The following PIK3R3 variants were observed in gnomAD, a reference collection of about 807,000 sequenced individuals.
PIK3R3 encodes phosphoinositide-3-kinase regulatory subunit 3.
In PIK3R3, 64 loss-of-function variants were observed where a neutral mutation model predicts 62.9. That is an observed-to-expected ratio of 1.02 (90% CI 0.83 to 1.25). The LOEUF is 1.25. Among genes scored for constraint, PIK3R3 ranks in the 50% most tolerant of loss-of-function variants. The pLI is 0.00. For missense variants in PIK3R3, 614 were observed against 561.6 expected (o/e 1.09, Z -0.94); for synonymous variants, 165 against 189.0 (o/e 0.87, Z 1.04).
At position 46,044,674 on chromosome 1, in the gene PIK3R3, T is replaced by C. The variant is rs1647064926; in HGVS notation, c.1188-803A>G. On this transcript the variant is annotated intron_variant, in intron 9 of 9. Coordinates refer to ENST00000262741, the MANE Select transcript of PIK3R3 (RefSeq NM_003629.4). The surrounding 1 kb of genome is among the most constrained non-coding windows in gnomAD (Gnocchi z 4.2). ...ATTTTCTGCCCATAAGACATCCCAT[T>C]CATCTTTTTGAGGTCCATCTCAGAT... Among the ~76,000 whole-genome samples the C allele has an allele frequency of 2.6e-5, 4 of 152,292 alleles. No individual in the cohort carries two copies. In the South Asian group the frequency reaches 8.3e-4, roughly 32 times the overall value.
At chr1:46,122,403 T>C (rs964453059) in intron 1 of PIK3R3, among the ~76,000 whole-genome samples, 29 of 152,168 alleles carry the variant, frequency 1.9e-4, no homozygotes, top group African/African-American at 6.8e-4. Context: ...AGAGTCTCGC[T>C]CTGTCACCCA....
chr1:46,087,130 G>C lies in PIK3R3; in HGVS notation c.107-6380C>G, dbSNP rs376190136. The stretch of plus-strand genomic sequence containing the variant: ...CAGGGCCCGTCGTGTGTGGGGGAAT[G>C]GTGGAGGGATAGCATTAGGAGATAT... On this transcript the variant is annotated intron_variant, in intron 1 of 9. Transcript: ENST00000262741. 6.6e-5 allele frequency among the ~76,000 whole-genome samples: 10 copies of C among 152,274 alleles called. 1 individual carries two copies. The South Asian group carries it at 1.0e-3, about 16-fold the overall frequency.
intron 7 of PIK3R3, among the ~76,000 whole-genome samples, chr1:46,049,731 CA>C (rs1647210445): frequency 6.6e-6 from 1 of 152,116 alleles, no homozygotes; most frequent in African/African-American, 2.4e-5. Context: ...ATCCAAGTGT[CA>C]GTCTGTGTAG....
Position 46,041,370 on chromosome 1 carries a change from G to GAA in PIK3R3, c.*2301_*2302dup, listed in dbSNP as rs371859463. The GAA allele has an allele frequency of 9.2e-5, 15 of 163,176 alleles. No individual in the cohort carries two copies. The highest frequency in any genetic ancestry group is 3.4e-4 in the African/African-American group (14 of 40,666). 10.1% of individuals were successfully genotyped at this position (163,176 alleles called of 1,614,324 possible). On this transcript the variant is annotated 3_prime_UTR_variant, in exon 10 of 10. Transcript: ENST00000262741. The stretch of plus-strand genomic sequence containing the variant: ...CCCACAAAACAATGAATTCAAGAAT[G>GAA]AAAAAAAAAATGAAGGAATGTAGGA...
chr1:46,105,409 G>C (rs1653105456), intron 1 of PIK3R3, among the ~76,000 whole-genome samples: 1 of 152,072 alleles, frequency 6.6e-6, no homozygotes, highest in South Asian at 2.1e-4. Flanking sequence ...TGAGGCAGGA[G>C]AATCGCTCGA....
chr1:46,115,177 G>T (rs1654078932), intron 1 of PIK3R3, among the ~76,000 whole-genome samples: 1 of 152,128 alleles, frequency 6.6e-6, no homozygotes, highest in Admixed American at 6.5e-5. Context: ...CTAATACAGG[G>T]TAAAGCCAAG....
chr1:46,065,848 A>G (rs1648938323), intron 5 of PIK3R3, among the ~76,000 whole-genome samples: 1 of 152,236 alleles, frequency 6.6e-6, no homozygotes. Context: ...TTATTTTGTC[A>G]CTTGTGACCA....
intron 7 of PIK3R3, chr1:46,047,160 G>A (rs993772038): frequency 2.0e-5 from 3 of 152,630 alleles, no homozygotes; most frequent in East Asian, 3.8e-4. Flanking sequence ...TATCCAAGCC[G>A]GGCGCGGTGG....
At chr1:46,061,196 T>C (rs1253368971) in intron 6 of PIK3R3, among the ~76,000 whole-genome samples, 2 of 152,180 alleles carry the variant, frequency 1.3e-5, no homozygotes, top group Admixed American at 6.5e-5. Context: ...TACTTCTTAT[T>C]TTGGTGAAAA....
At chr1:46,130,719 T>C (rs1165960790) in intron 1 of PIK3R3, among the ~76,000 whole-genome samples, 1 of 152,208 alleles carries the variant, frequency 6.6e-6, no homozygotes. Context: ...GGTTCCCCAA[T>C]GACACACATT....
At chr1:46,109,319 A>C (rs909373831) in intron 1 of PIK3R3, among the ~76,000 whole-genome samples, 1 of 152,194 alleles carries the variant, frequency 6.6e-6, no homozygotes, top group African/African-American at 2.4e-5. Context: ...TTCTACCCTA[A>C]TCACTACATA....
At chr1:46,133,846 G>A (rs974320024), upstream of PIK3R3, among the ~76,000 whole-genome samples, 2 of 151,860 alleles carry the variant, frequency 1.3e-5, no homozygotes, top group Non-Finnish European at 2.9e-5. Flanking sequence ...CAGTGCATGT[G>A]TAATTTCTAA....
At chr1:46,142,267 A>T in the PIK3R3 span, among the ~76,000 whole-genome samples, 1 of 152,198 alleles carries the variant, frequency 6.6e-6, no homozygotes, top group Non-Finnish European at 1.5e-5. Flanking sequence ...GATGCCACAC[A>T]AATGTTTCAA....
Position 46,080,640 on chromosome 1 carries a change from A to G in PIK3R3, c.215+2T>C. ...ATTCAATTACAGTAGCATTCTAGTT[A>G]CCTTGAAATATCCCCCCAGTACCAT... is the stretch of plus-strand genomic sequence containing the variant. On this transcript the variant is annotated splice_donor_variant, in intron 2 of 9. Coordinates refer to ENST00000262741, the MANE Select transcript of PIK3R3 (RefSeq NM_003629.4). LOFTEE classifies it high-confidence loss of function. The G allele has an allele frequency of 1.3e-6, 2 of 1,563,746 alleles. No individual in the cohort carries two copies. Among genetic ancestry groups the G allele is most frequent in the Non-Finnish European group, 8.8e-7 (1 of 1,137,840 alleles).
intron 6 of PIK3R3, chr1:46,056,771 G>A (rs1195986160): frequency 3.3e-5 from 5 of 152,230 alleles, no homozygotes; most frequent in Admixed American, 2.0e-4. Flanking sequence ...AATACAACAT[G>A]AGAGAGAATC....
In PIK3R3 at chr1:46,046,050, T is replaced by A; in HGVS notation, c.1055A>T (p.His352Leu). ...AACAAACCAGGTTTTCTCATCATAA[T>A]GGGGCAGGTTTTCATCTTCCTCATT... The part of the protein sequence containing the change: ...FINEEDENLP[H>L]YDEKTWFVED... The change falls in exon 9 of 10, where the codon CAT (histidine) becomes CTT (leucine). Residue 352 changes from histidine (H) to leucine (L), a missense_variant. By Grantham distance (99) the His-to-Leu change is moderately conservative. Coordinates refer to ENST00000262741, the MANE Select transcript of PIK3R3 (RefSeq NM_003629.4). 6.2e-7 allele frequency: 1 copy of A among 1,609,374 alleles called. No homozygotes were observed. Among genetic ancestry groups the A allele is most frequent in the Non-Finnish European group, 8.5e-7 (1 of 1,176,272 alleles).
At chr1:46,082,206 G>A (rs1020023411) in intron 1 of PIK3R3, among the ~76,000 whole-genome samples, 12 of 152,070 alleles carry the variant, frequency 7.9e-5, no homozygotes, top group Non-Finnish European at 1.3e-4. Context: ...ACACTAAAAA[G>A]GATGTAACAT....
rs757166304 is a variant in PIK3R3, at chr1:46,131,834, T to C, written c.106+13A>G. The C allele has an allele frequency of 1.2e-6, 2 of 1,610,626 alleles. No individual in the cohort carries two copies. The highest frequency in any genetic ancestry group is 1.7e-6 in the Non-Finnish European group (2 of 1,177,224). ...ACCCATCACGAGATTCTTTTTTTTT[T>C]TCTCCCAAGTACCTGGAGGATCCAT... On this transcript the variant is annotated intron_variant, in intron 1 of 9. Coordinates refer to ENST00000262741, the MANE Select transcript of PIK3R3 (RefSeq NM_003629.4).
At chr1:46,094,267 T>C (rs892393270) in intron 1 of PIK3R3, among the ~76,000 whole-genome samples, 1 of 152,124 alleles carries the variant, frequency 6.6e-6, no homozygotes, top group Non-Finnish European at 1.5e-5. Flanking sequence ...TGTGATAATA[T>C]ATACTTCCTA....
Sources: gnomAD v4.1 joint callset for allele counts (sites outside exome capture counted in the v4.1 genomes callset) on GRCh38, gnomAD v4.1.1 for gene constraint, Gnocchi (gnomAD v3.1) non-coding constraint, MANE v1.5 for transcripts, NCBI Gene and HGNC (gene_info 2026-07-23, HGNC 2026-07-21) for gene names.